The following RIPOR2 variants were observed in gnomAD, a reference collection of about 807,000 sequenced individuals.
RIPOR2 encodes rho family-interacting cell polarization regulator 2.
Under a neutral mutation model 114.5 loss-of-function variants are expected in RIPOR2, and 39 were observed. The observed-to-expected ratio is 0.34, with a 90% CI of 0.26 to 0.44. The LOEUF is 0.44. Among genes scored for constraint, RIPOR2 ranks in the 20% least tolerant of loss-of-function variants. The pLI, the probability that RIPOR2 is intolerant of heterozygous loss-of-function variation, is 1.00. For missense variants in RIPOR2, 1,007 were observed against 1,255.1 expected, an observed-to-expected ratio of 0.80 and a Z score of 2.99; for synonymous variants, 445 against 484.4, an observed-to-expected ratio of 0.92 and a Z score of 1.07.
chr6:24,921,224 A>G (rs1340748285), intron 1 of RIPOR2, among the ~76,000 whole-genome samples: 1 of 151,734 alleles, frequency 6.6e-6, no homozygotes, highest in Non-Finnish European at 1.5e-5. Flanking sequence ...GTGCAGTGGC[A>G]TGATCTCGGC....
chr6:24,967,901 A>ATC (rs1201780550), intron 1 of RIPOR2, among the ~76,000 whole-genome samples: 1 of 141,234 alleles, frequency 7.1e-6, no homozygotes, highest in Non-Finnish European at 1.5e-5. Flanking sequence ...TGGCTGCAAG[A>ATC]TCTCAATCTT....
intron 1 of RIPOR2, chr6:24,976,956 T>C (rs1561820552): frequency 5.8e-6 from 9 of 1,547,600 alleles, no homozygotes; most frequent in South Asian, 1.1e-5. Context: ...AAGATCACCA[T>C]TGCTGACTGT....
At chr6:24,852,709 T>C in intron 8 of RIPOR2, 91 bp from the exon 9 acceptor site, 1 of 992,930 alleles carries the variant, frequency 1.0e-6, no homozygotes, top group Non-Finnish European at 1.4e-6. Flanking sequence ...TCAAGTGAAG[T>C]GTCAGAACTT....
intron 1 of RIPOR2, among the ~76,000 whole-genome samples, chr6:24,970,161 G>C (rs34878248): frequency 5.3e-5 from 8 of 150,402 alleles, no homozygotes; most frequent in Middle Eastern, 3.4e-3. Flanking sequence ...GAAAGGGGAC[G>C]AAAAAAAAAG....
At chr6:24,856,910 C>G (rs1044915207) in intron 8 of RIPOR2, among the ~76,000 whole-genome samples, 11 of 150,860 alleles carry the variant, frequency 7.3e-5, no homozygotes, top group Admixed American at 3.3e-4. Flanking sequence ...TTTTCCCCCC[C>G]CTTTAAAATT....
intron 12 of RIPOR2, among the ~76,000 whole-genome samples, chr6:24,845,972 T>C (rs1290338186): frequency 6.6e-6 from 1 of 152,116 alleles, no homozygotes; most frequent in Non-Finnish European, 1.5e-5. Flanking sequence ...TGGGATGGGC[T>C]TGTGGTGGGC....
chr6:24,847,989 G>T (rs1330644330), intron 12 of RIPOR2, 36 bp downstream of exon 12: 1 of 1,613,222 alleles, frequency 6.2e-7, no homozygotes, highest in South Asian at 1.1e-5. Context: ...TGGCTCAGGT[G>T]CATTGATTCT....
chr6:24,938,074 A>AC (rs749321547), upstream of RIPOR2, among the ~76,000 whole-genome samples: 1 of 152,102 alleles, frequency 6.6e-6, no homozygotes, highest in Non-Finnish European at 1.5e-5. Flanking sequence ...TGAAGTCCTA[A>AC]CCCCCAGTAC....
At chr6:24,920,779 C>T (rs915366984) in intron 1 of RIPOR2, among the ~76,000 whole-genome samples, 5 of 152,152 alleles carry the variant, frequency 3.3e-5, no homozygotes, top group Non-Finnish European at 7.4e-5. Flanking sequence ...CCTTCCTCAC[C>T]TTAAGTCTAC....
At chr6:24,910,634 C>G (rs537311692) in intron 1 of RIPOR2, 4 of 179,396 alleles carry the variant, frequency 2.2e-5, no homozygotes, top group African/African-American at 9.5e-5. Context: ...AACTTCCCGA[C>G]CGTACCCTGT....
intron 1 of RIPOR2, chr6:25,015,794 T>TGTAGAGG (rs1199796195): frequency 6.6e-6 from 1 of 151,438 alleles, no homozygotes; most frequent in Non-Finnish European, 1.5e-5. Flanking sequence ...ACTCATATAT[T>TGTAGAGG]GTAGAGGGAG....
intron 1 of RIPOR2, among the ~76,000 whole-genome samples, chr6:25,011,231 G>A (rs1775764917): frequency 6.6e-6 from 1 of 152,052 alleles, no homozygotes; most frequent in African/African-American, 2.4e-5. Context: ...ATTAGGAATT[G>A]GGTTTATATA....
intron 1 of RIPOR2, among the ~76,000 whole-genome samples, chr6:24,969,253 C>T (rs370568): frequency 0.82 from 125,121 of 152,076 alleles, 54,267 homozygotes; most frequent in East Asian, 0.96. Flanking sequence ...ATTTGGGACT[C>T]GCTATTCAGA....
chr6:24,922,625 C>T (rs979483463), intron 1 of RIPOR2, among the ~76,000 whole-genome samples: 22 of 151,762 alleles, frequency 1.4e-4, no homozygotes, highest in African/African-American at 5.3e-4. Context: ...TTTGGGAGGC[C>T]GAGGCAGATG....
chr6:25,005,309 C>T (rs1460353069), intron 1 of RIPOR2, among the ~76,000 whole-genome samples: 9 of 152,098 alleles, frequency 5.9e-5, no homozygotes, highest in African/African-American at 2.2e-4. Context: ...TTAATCAAAC[C>T]AAATACAGCT....
At chr6:24,971,963 T>C (rs1773806533) in intron 1 of RIPOR2, among the ~76,000 whole-genome samples, 1 of 152,134 alleles carries the variant, frequency 6.6e-6, no homozygotes, top group Non-Finnish European at 1.5e-5. Context: ...GAATAATGAA[T>C]ATAGAGCTTT....
chr6:24,851,978 G>A lies in RIPOR2; in HGVS notation c.759+597C>T, dbSNP rs1002371926. Among the ~76,000 whole-genome samples the A allele has an allele frequency of 2.0e-5, 3 of 150,476 alleles. No individual in the cohort carries two copies. In the Admixed American group the frequency reaches 2.0e-4, roughly 10 times the overall value. ...CTCTAAAATGGTTCAGGGGCTGGAT[G>A]TGGTGGCTCACACCTGTAATCCCAG... On this transcript the variant is annotated intron_variant, in intron 9 of 21. Transcript: ENST00000643898.
intron 20 of RIPOR2, among the ~76,000 whole-genome samples, chr6:24,817,932 A>T (rs1271212771): frequency 2.7e-5 from 4 of 150,356 alleles, no homozygotes; most frequent in Non-Finnish European, 5.9e-5. Context: ...CATACATCTC[A>T]TCTCCCTTTT....
At chr6:24,917,674 C>T (rs959862862) in intron 1 of RIPOR2, among the ~76,000 whole-genome samples, 5 of 152,108 alleles carry the variant, frequency 3.3e-5, no homozygotes, top group Non-Finnish European at 4.4e-5. Context: ...GGATTACAGG[C>T]GCGTACCACC....
Sources: allele counts gnomAD v4.1 joint callset (sites outside exome capture counted in the v4.1 genomes callset), GRCh38; gene constraint gnomAD v4.1.1; transcripts MANE v1.5; gene names NCBI Gene and HGNC (gene_info 2026-07-23, HGNC 2026-07-21).